Variants in METTL15 observed in about 807,000 individuals in gnomAD.
METTL15 encodes the protein 12S rRNA N(4)-cytidine methyltransferase METTL15.
METTL15 carries 34 observed loss-of-function variants against 38.3 expected under a neutral mutation model. That is an observed-to-expected ratio of 0.89 (90% CI 0.68 to 1.18). METTL15 has a LOEUF of 1.18. Ranked by LOEUF, METTL15 falls within the 50% of genes most tolerant of loss-of-function variation. METTL15 has a pLI of 0.00. For synonymous variants in METTL15, 162 were observed against 170.9 expected (o/e 0.95, Z 0.41); for missense variants, 438 against 498.4 (o/e 0.88, Z 1.15).
chr11:28,210,626 G>A (rs886450628), intron 3 of METTL15, among the ~76,000 whole-genome samples: 3 of 151,680 alleles, frequency 2.0e-5, no homozygotes, highest in Admixed American at 2.0e-4. Context: ...CTGTCTTTCT[G>A]TTCTTGAGTA....
chr11:28,314,841 C>G (rs1306845500), intron 6 of METTL15, among the ~76,000 whole-genome samples: 1 of 152,174 alleles, frequency 6.6e-6, no homozygotes, highest in African/African-American at 2.4e-5. Flanking sequence ...CTCACAAGAT[C>G]TGATGGTTTT....
At chr11:28,439,258 C>G (rs1305789191) in intron 6 of METTL15, among the ~76,000 whole-genome samples, 1 of 152,154 alleles carries the variant, frequency 6.6e-6, no homozygotes, top group East Asian at 1.9e-4. Context: ...ACGGCTACTC[C>G]TTTCCTAGAA....
chr11:28,172,532 T>C (rs1386459395), intron 3 of METTL15, among the ~76,000 whole-genome samples: 3 of 152,224 alleles, frequency 2.0e-5, no homozygotes, highest in East Asian at 3.8e-4. Flanking sequence ...TACCTTGTTA[T>C]TGTTCCTAAT....
intron 6 of METTL15, chr11:28,517,276 A>C (rs1202838487): frequency 6.6e-6 from 1 of 151,136 alleles, no homozygotes; most frequent in African/African-American, 2.4e-5. Flanking sequence ...AGAGGGAATC[A>C]CTCCAAGGGT....
chr11:28,354,157 GC>G (rs1850069773), intron 4 of METTL15, among the ~76,000 whole-genome samples: 1 of 152,150 alleles, frequency 6.6e-6, no homozygotes, highest in African/African-American at 2.4e-5. Flanking sequence ...CATCTATGGG[GC>G]TAGGAAAGGT....
chr11:28,153,389 ATTCAAGTT>A (rs1414031417), intron 3 of METTL15, among the ~76,000 whole-genome samples: 2 of 152,056 alleles, frequency 1.3e-5, no homozygotes, highest in African/African-American at 4.8e-5. Flanking sequence ...ATGCTGGCAA[ATTCAAGTT>A]TTGGTTTTTG....
At chr11:28,181,942 T>C (rs1356177660) in intron 3 of METTL15, among the ~76,000 whole-genome samples, 3 of 152,182 alleles carry the variant, frequency 2.0e-5, no homozygotes, top group African/African-American at 4.8e-5. Flanking sequence ...TTTTTACTGA[T>C]TGCCATTCTA....
chr11:28,174,008 G>T (rs1482060913), intron 3 of METTL15, among the ~76,000 whole-genome samples: 1 of 152,108 alleles, frequency 6.6e-6, no homozygotes, highest in African/African-American at 2.4e-5. Flanking sequence ...ACCTGGCTGT[G>T]TTTACAGATT....
chr11:28,180,380 C>G (rs923255498), intron 3 of METTL15, among the ~76,000 whole-genome samples: 10 of 151,822 alleles, frequency 6.6e-5, no homozygotes, highest in African/African-American at 2.4e-4. Context: ...TGTTGTGAAA[C>G]TAGAGCTGTC....
At chr11:28,187,866 A>T (rs1451023109) in intron 3 of METTL15, among the ~76,000 whole-genome samples, 1 of 151,260 alleles carries the variant, frequency 6.6e-6, no homozygotes, top group Non-Finnish European at 1.5e-5. Context: ...TTTTAAGAAA[A>T]TAAAAATTTT....
intron 5 of METTL15, among the ~76,000 whole-genome samples, chr11:28,424,058 G>A (rs1850844605): frequency 6.6e-6 from 1 of 151,924 alleles, no homozygotes; most frequent in South Asian, 2.1e-4. Flanking sequence ...CTAGCCATAT[G>A]CTTTGCATTT....
At chr11:28,310,917 G>GCTGCTGCTGCTGCTGCTGCTGC (rs1565244277) in intron 6 of METTL15, among the ~76,000 whole-genome samples, 3 of 55,270 alleles carry the variant, frequency 5.4e-5, no homozygotes, top group Non-Finnish European at 1.1e-4. Flanking sequence ...GCTGCTGCTG[G>GCTGCTGCTGCTGCTGCTGCTGC]TGGTGGTGGT....
At chr11:28,378,907 T>C (rs1850352213) in intron 5 of METTL15, among the ~76,000 whole-genome samples, 1 of 152,000 alleles carries the variant, frequency 6.6e-6, no homozygotes, top group Non-Finnish European at 1.5e-5. Context: ...TTACTAGTTA[T>C]TCGTTTGGTG....
intron 5 of METTL15, among the ~76,000 whole-genome samples, chr11:28,422,594 AAAAGG>A (rs1850829877): frequency 1.3e-5 from 2 of 152,032 alleles, no homozygotes; most frequent in South Asian, 4.1e-4. Flanking sequence ...ATACACTGGG[AAAAGG>A]ACAGTCTGTG....
chr11:28,254,616 G>A (rs1854895827), intron 4 of METTL15, among the ~76,000 whole-genome samples: 2 of 152,060 alleles, frequency 1.3e-5, no homozygotes, highest in African/African-American at 2.4e-5. Flanking sequence ...CATAGTTTGA[G>A]GTCTTAGGTT....
chr11:28,468,344 C>T (rs901620294), intron 6 of METTL15, among the ~76,000 whole-genome samples: 4 of 152,054 alleles, frequency 2.6e-5, no homozygotes, highest in Non-Finnish European at 5.9e-5. Context: ...GATAAAAACA[C>T]GGTGAGGAGA....
chr11:28,487,012 AT>A (rs1851444816), intron 6 of METTL15, among the ~76,000 whole-genome samples: 1 of 152,198 alleles, frequency 6.6e-6, no homozygotes, highest in Non-Finnish European at 1.5e-5. Context: ...AGAAAAAAAA[AT>A]ACAGTGCCAT....
intron 4 of METTL15, among the ~76,000 whole-genome samples, chr11:28,221,489 C>G (rs1853218800): frequency 6.6e-6 from 1 of 152,024 alleles, no homozygotes; most frequent in Non-Finnish European, 1.5e-5. Context: ...TTTTTAACTT[C>G]TTTGCCATGG....
chr11:28,318,853 G>C (rs564744889), intron 6 of METTL15, among the ~76,000 whole-genome samples: 3 of 152,214 alleles, frequency 2.0e-5, no homozygotes, highest in African/African-American at 7.2e-5. Context: ...ATCAGTACCT[G>C]CCCAAAAATC....
Sources: gnomAD v4.1 joint callset for allele counts (sites outside exome capture counted in the v4.1 genomes callset) on GRCh38, gnomAD v4.1.1 for gene constraint, MANE v1.5 for transcripts, NCBI Gene and HGNC (gene_info 2026-07-23, HGNC 2026-07-21) for gene names.